The following PDZD2 variants were observed in gnomAD, a reference collection of about 807,000 sequenced individuals.
PDZD2 encodes PDZ domain containing 2.
A neutral mutation model predicts 220.7 loss-of-function variants in PDZD2; 90 were observed. That is an observed-to-expected ratio of 0.41 (90% CI 0.34 to 0.49). The LOEUF (loss-of-function observed/expected upper bound fraction) is 0.49. Ranked by LOEUF, PDZD2 falls within the 20% of genes least tolerant of loss-of-function variation. The pLI, the probability that PDZD2 is intolerant of heterozygous loss-of-function variation, is 0.28. For missense variants in PDZD2, 3,174 were observed against 3,608.5 expected, an observed-to-expected ratio of 0.88 and a Z score of 3.08; for synonymous variants, 1,375 against 1,450.5, an observed-to-expected ratio of 0.95 and a Z score of 1.18.
chr5:31,891,200 G>T (rs1319403713), intron 2 of PDZD2, among the ~76,000 whole-genome samples: 2 of 143,236 alleles, frequency 1.4e-5, no homozygotes, highest in African/African-American at 5.4e-5. Flanking sequence ...GCAATGGCGC[G>T]ATCTCGGCTC....
At chr5:31,801,286 G>A (rs564810329) in intron 2 of PDZD2, among the ~76,000 whole-genome samples, 3 of 152,286 alleles carry the variant, frequency 2.0e-5, no homozygotes, top group South Asian at 2.1e-4. Flanking sequence ...CTGACTGGCC[G>A]TTACTGGGAA....
intron 5 of PDZD2, among the ~76,000 whole-genome samples, chr5:32,005,532 A>AG (rs70957992): frequency 0.12 from 18,243 of 151,876 alleles, 1,450 homozygotes; most frequent in Admixed American, 0.16. Context: ...ACCCAAAAAA[A>AG]AAAAACAGAG....
rs1377182841 is a variant in PDZD2 at position 32,087,511 on chromosome 5, C to G, written c.4063C>G (p.Pro1355Ala). The change falls in exon 20 of 25, where the codon CCA becomes GCA. Residue 1355 changes from proline (P) to alanine (A), a missense_variant. Physicochemically the swap from Pro to Ala is conservative, Grantham distance 27. Coordinates refer to ENST00000438447, the MANE Select transcript of PDZD2 (RefSeq NM_178140.4). The surrounding 1 kb of genome is among the most constrained non-coding windows in gnomAD (Gnocchi z 4.0). ...ATCCCAGGAGCAGAGACAGGGAGCT[C>G]CAGGTAACCACAGTAAGGCTCTGGA... ...LTSQEQRQGA[P>A]GNHSKALEMT... 1.2e-6 allele frequency: 2 copies of G among 1,612,956 alleles called. No individual in the cohort carries two copies. Among genetic ancestry groups the G allele is most frequent in the African/African-American group, 2.7e-5 (2 of 74,908 alleles).
At chr5:32,054,241 G>T (rs968006471) in intron 10 of PDZD2, among the ~76,000 whole-genome samples, 1 of 148,800 alleles carries the variant, frequency 6.7e-6, no homozygotes, top group Non-Finnish European at 1.5e-5. Flanking sequence ...CAGAGCGCCT[G>T]GTCATTAGTG....
chr5:31,837,114 G>A (rs1430453366), intron 2 of PDZD2, among the ~76,000 whole-genome samples: 2 of 152,174 alleles, frequency 1.3e-5, no homozygotes, highest in Non-Finnish European at 2.9e-5. Flanking sequence ...GAGGAAAGGT[G>A]TACTTGAGTT....
At chr5:31,734,083 T>C (rs1193110432) in intron 1 of PDZD2, among the ~76,000 whole-genome samples, 1 of 152,174 alleles carries the variant, frequency 6.6e-6, no homozygotes, top group Non-Finnish European at 1.5e-5. Flanking sequence ...GGTTCCATAA[T>C]TTGCTGCAAT....
chr5:31,844,690 C>A (rs1016305073), intron 2 of PDZD2, among the ~76,000 whole-genome samples: 1 of 152,076 alleles, frequency 6.6e-6, no homozygotes, highest in Non-Finnish European at 1.5e-5. Flanking sequence ...GGAAAGGCAC[C>A]AGCCCCTGCT....
At chr5:31,768,877 G>A (rs115311456) in intron 1 of PDZD2, among the ~76,000 whole-genome samples, 1 of 152,136 alleles carries the variant, frequency 6.6e-6, no homozygotes, top group East Asian at 1.9e-4. Context: ...CTCCAACTTC[G>A]CTGTGGTAAT....
At chr5:31,779,197 C>T (rs1354305909) in intron 1 of PDZD2, among the ~76,000 whole-genome samples, 2 of 152,032 alleles carry the variant, frequency 1.3e-5, no homozygotes, top group African/African-American at 2.4e-5. Flanking sequence ...ACTGCGCACA[C>T]CCTCCACACC....
At chr5:32,042,519 A>G (rs1366947696) in intron 7 of PDZD2, among the ~76,000 whole-genome samples, 8 of 152,124 alleles carry the variant, frequency 5.3e-5, no homozygotes, top group African/African-American at 1.4e-4. Context: ...GTTGCAGTGA[A>G]CCAAGATTGC....
intron 2 of PDZD2, among the ~76,000 whole-genome samples, chr5:31,870,386 A>G (rs910036616): frequency 6.6e-6 from 1 of 152,230 alleles, no homozygotes; most frequent in Non-Finnish European, 1.5e-5. Flanking sequence ...TTTGTTTTGA[A>G]TGAAGTATTA....
At position 31,813,322 on chromosome 5, in the gene PDZD2, C is replaced by T. The variant is rs555152001; in HGVS notation, c.476+13598C>T. ...AAAATTAGCCGGGCATGGTGGCAGG[C>T]GTCTATAGTCCCAGCTACTCGGGAG... On this transcript the variant is annotated intron_variant, in intron 2 of 24. Transcript: ENST00000438447. 4.9e-4 allele frequency among the ~76,000 whole-genome samples: 74 copies of T among 151,872 alleles called. No homozygotes were observed. The East Asian group carries it at 6.4e-3, about 13-fold the overall frequency.
intron 4 of PDZD2, among the ~76,000 whole-genome samples, chr5:31,997,780 A>AT (rs1202021175): frequency 6.6e-6 from 1 of 152,144 alleles, no homozygotes; most frequent in East Asian, 1.9e-4. Flanking sequence ...CAAGCGGGGC[A>AT]TTTTAGTTAG....
At position 32,077,553 on chromosome 5, in the gene PDZD2, T is replaced by G. The variant is rs749159836; in HGVS notation, c.3629T>G (p.Leu1210Arg). The G allele has an allele frequency of 1.9e-5, 31 of 1,614,136 alleles. No homozygotes were observed. Among genetic ancestry groups the G allele is most frequent in the Non-Finnish European group, 2.5e-5 (30 of 1,180,000 alleles). The change falls in exon 19 of 25, where the codon CTC becomes CGC. Residue 1210 changes from leucine to arginine, a missense_variant. Transcript: ENST00000438447. ...CTGTCCCATCTGGATGCCAGCCACC[T>G]CACAGAGAACCTGCCCAAAGCTGCA... ...SALSHLDASH[L>R]TENLPKAASE...
chr5:32,042,072 G>A (rs1269278949), intron 7 of PDZD2, among the ~76,000 whole-genome samples: 1 of 71,880 alleles, frequency 1.4e-5, no homozygotes, highest in East Asian at 3.5e-4. Context: ...TGGCTAACAC[G>A]GTGAAACCCT....
chr5:31,762,588 C>T (rs1424149233), intron 1 of PDZD2, among the ~76,000 whole-genome samples: 1 of 152,282 alleles, frequency 6.6e-6, no homozygotes, highest in Admixed American at 6.5e-5. Context: ...ACTCCTGGCT[C>T]CTATGGGCAC....
chr5:32,070,969 T>C (rs1419665640), intron 15 of PDZD2, among the ~76,000 whole-genome samples: 3 of 152,216 alleles, frequency 2.0e-5, no homozygotes, highest in East Asian at 3.8e-4. Context: ...TCCAACTCCG[T>C]CTGAAAATAA....
chr5:31,783,482 G>A (rs371705783), intron 1 of PDZD2, among the ~76,000 whole-genome samples: 27 of 152,304 alleles, frequency 1.8e-4, no homozygotes, highest in African/African-American at 6.3e-4. Context: ...TTGAGAACAA[G>A]TCTTCGGTTA....
intron 6 of PDZD2, among the ~76,000 whole-genome samples, chr5:32,017,882 G>A (rs1210523055): frequency 6.6e-6 from 1 of 152,192 alleles, no homozygotes; most frequent in African/African-American, 2.4e-5. Flanking sequence ...AGAGATGTGG[G>A]TTGTGGTAAA....
Sources: allele counts gnomAD v4.1 joint callset (sites outside exome capture counted in the v4.1 genomes callset), GRCh38; gene constraint gnomAD v4.1.1; non-coding constraint Gnocchi (gnomAD v3.1); transcripts MANE v1.5; gene names NCBI Gene and HGNC (gene_info 2026-07-23, HGNC 2026-07-21).